SNTG2: variants seen among roughly 807,000 people sequenced by gnomAD.
The protein encoded by SNTG2 is syntrophin gamma 2.
SNTG2 carries 74 observed loss-of-function variants against 70.9 expected under a neutral mutation model. That is an observed-to-expected ratio of 1.04 (90% CI 0.86 to 1.27). The LOEUF (loss-of-function observed/expected upper bound fraction) is 1.27, where lower values mean the gene tolerates loss of function less well. Ranked by LOEUF, SNTG2 falls within the 50% of genes most tolerant of loss-of-function variation. The pLI is 0.00. For missense variants in SNTG2, 717 were observed against 690.7 expected (o/e 1.04, Z -0.43); for synonymous variants, 278 against 273.8 (o/e 1.02, Z -0.15).
At chr2:1,235,299 G>C (rs1308632407) in intron 9 of SNTG2, among the ~76,000 whole-genome samples, 35 of 69,152 alleles carry the variant, frequency 5.1e-4, no homozygotes, top group Non-Finnish European at 7.9e-4. Flanking sequence ...CCCTATTCAT[G>C]AGAGGGGGGC....
intron 4 of SNTG2, among the ~76,000 whole-genome samples, chr2:1,119,946 C>A (rs1442010388): frequency 6.7e-6 from 1 of 148,182 alleles, no homozygotes; most frequent in Non-Finnish European, 1.5e-5. Context: ...CATTCTTTAT[C>A]TATCAATGAT....
chr2:1,102,584 C>G (rs1349556515), intron 4 of SNTG2: 4 of 152,250 alleles, frequency 2.6e-5, no homozygotes, highest in African/African-American at 9.7e-5. Flanking sequence ...ATGGCCGACA[C>G]AGGTCCTGGG....
At chr2:1,287,385 G>C (rs2148216240) in intron 14 of SNTG2, among the ~76,000 whole-genome samples, 1 of 152,340 alleles carries the variant, frequency 6.6e-6, no homozygotes, top group East Asian at 1.9e-4. Context: ...GGCTGGGTGA[G>C]TCCGGCAGCC....
chr2:1,185,477 A>G (rs1672190054), intron 8 of SNTG2, among the ~76,000 whole-genome samples: 1 of 152,176 alleles, frequency 6.6e-6, no homozygotes, highest in Non-Finnish European at 1.5e-5. Flanking sequence ...CCCCTGCAGC[A>G]GACTTCTGCC....
Position 1,202,087 on chromosome 2 carries a change from A to G in SNTG2, c.592-7016A>G, listed in dbSNP as rs548225072. ...AACATGCTCTTCAAGCTGGAAGGAC[A>G]TTAAACCACGTGGAAACTTGATACA... On this transcript the variant is annotated intron_variant, in intron 8 of 16. Coordinates refer to ENST00000308624, the MANE Select transcript of SNTG2 (RefSeq NM_018968.4). Among the ~76,000 whole-genome samples the G allele has an allele frequency of 3.3e-5, 5 of 152,222 alleles. No homozygotes were observed. In the South Asian group the frequency reaches 1.0e-3, roughly 31 times the overall value.
chr2:1,104,500 C>A (rs573577097), intron 4 of SNTG2, among the ~76,000 whole-genome samples: 1 of 152,250 alleles, frequency 6.6e-6, no homozygotes, highest in African/African-American at 2.4e-5. Flanking sequence ...AGTTGAACTT[C>A]TTTTGTTAAG....
chr2:1,203,602 C>T (rs967595907), intron 8 of SNTG2, among the ~76,000 whole-genome samples: 33 of 147,988 alleles, frequency 2.2e-4, no homozygotes, highest in Admixed American at 8.8e-4. Flanking sequence ...TGCAGTGAGC[C>T]GAGATCACAC....
chr2:1,324,279 GTC>G (rs1681671974), intron 16 of SNTG2, among the ~76,000 whole-genome samples: 2 of 152,218 alleles, frequency 1.3e-5, no homozygotes, highest in East Asian at 3.8e-4. Flanking sequence ...CTTCAGTCAA[GTC>G]TCTGATTTTC....
chr2:1,211,250 C>T (rs1674021200), intron 9 of SNTG2, among the ~76,000 whole-genome samples: 1 of 152,180 alleles, frequency 6.6e-6, no homozygotes, highest in African/African-American at 2.4e-5. Context: ...GCATGTATCT[C>T]TCTTGACAAA....
chr2:1,249,356 G>T (rs1382141846), intron 12 of SNTG2, among the ~76,000 whole-genome samples: 1 of 152,138 alleles, frequency 6.6e-6, no homozygotes, highest in Admixed American at 6.5e-5. Context: ...ACAGATGAAG[G>T]TCATGTGTAA....
At chr2:1,004,313 G>T (rs1380258520) in intron 1 of SNTG2, among the ~76,000 whole-genome samples, 2 of 152,184 alleles carry the variant, frequency 1.3e-5, no homozygotes, top group Admixed American at 6.5e-5. Flanking sequence ...TACAATCCAT[G>T]AAAGAAATAA....
At chr2:1,079,233 AC>A (rs1664122455) in intron 1 of SNTG2, among the ~76,000 whole-genome samples, 1 of 152,208 alleles carries the variant, frequency 6.6e-6, no homozygotes, top group Admixed American at 6.5e-5. Context: ...CAGGCTGTCC[AC>A]AGAGGTTTTC....
intron 14 of SNTG2, among the ~76,000 whole-genome samples, chr2:1,270,203 C>T (rs1002794902): frequency 3.9e-5 from 6 of 152,104 alleles, no homozygotes; most frequent in Non-Finnish European, 8.8e-5. Flanking sequence ...TCAGATCTGC[C>T]CATGGTGTCC....
chr2:997,146 G>A (rs914762376), intron 1 of SNTG2, among the ~76,000 whole-genome samples: 3 of 152,134 alleles, frequency 2.0e-5, no homozygotes, highest in Non-Finnish European at 2.9e-5. Context: ...CAAATAAACA[G>A]AATAATTTTA....
chr2:1,360,742 C>T (rs945760663), intron 16 of SNTG2, among the ~76,000 whole-genome samples: 1 of 152,146 alleles, frequency 6.6e-6, no homozygotes, highest in African/African-American at 2.4e-5. Context: ...CCCCCTACAT[C>T]CAGCATCATA....
chr2:1,181,334 A>ATG (rs1305090464), intron 8 of SNTG2, among the ~76,000 whole-genome samples: 10 of 152,214 alleles, frequency 6.6e-5, no homozygotes, highest in Non-Finnish European at 1.3e-4. Context: ...AGAATAAAAC[A>ATG]GATGGTGCAA....
chr2:1,136,050 C>T (rs1668362079), intron 4 of SNTG2, among the ~76,000 whole-genome samples: 1 of 152,046 alleles, frequency 6.6e-6, no homozygotes, highest in African/African-American at 2.4e-5. Context: ...CAATTTTCTG[C>T]ACTTTTATAG....
intron 14 of SNTG2, among the ~76,000 whole-genome samples, chr2:1,283,670 C>G (rs1679650233): frequency 6.6e-6 from 1 of 152,176 alleles, no homozygotes; most frequent in South Asian, 2.1e-4. Flanking sequence ...GCCCTGGCTT[C>G]TCTGTGTCTT....
chr2:955,435 C>T (rs1038683089), intron 1 of SNTG2, among the ~76,000 whole-genome samples: 14 of 152,276 alleles, frequency 9.2e-5, no homozygotes, highest in East Asian at 1.9e-4. Flanking sequence ...ATTTACTTTT[C>T]CTCTTGTTTT....
Sources: gnomAD v4.1 joint callset for allele counts (sites outside exome capture counted in the v4.1 genomes callset) on GRCh38, gnomAD v4.1.1 for gene constraint, MANE v1.5 for transcripts, NCBI Gene and HGNC (gene_info 2026-07-23, HGNC 2026-07-21) for gene names.